Variants in ARHGAP26 observed in about 807,000 individuals in gnomAD.
The protein encoded by ARHGAP26 is Rho GTPase activating protein 26, also known as rho GTPase-activating protein 26.
A neutral mutation model predicts 104.8 loss-of-function variants in ARHGAP26; 38 were observed. The ratio of observed to expected loss-of-function variants is 0.36; its 90% CI spans 0.28 to 0.48. ARHGAP26 has a LOEUF of 0.48. Ranked by LOEUF, ARHGAP26 falls within the 20% of genes least tolerant of loss-of-function variation. The probability of loss-of-function intolerance (pLI) is 0.99; values close to 1 mark genes in which losing one functional copy is unlikely to be tolerated. For missense variants in ARHGAP26, 704 were observed against 947.9 expected (o/e 0.74, Z 3.38); for synonymous variants, 341 against 340.0 (o/e 1.00, Z -0.03).
intron 1 of ARHGAP26, among the ~76,000 whole-genome samples, chr5:142,836,167 GCATC>G (rs1253001055): frequency 2.0e-5 from 3 of 152,150 alleles, no homozygotes; most frequent in African/African-American, 4.8e-5. Flanking sequence ...CTGGGTCCAG[GCATC>G]CTGGGCAGGG....
intron 14 of ARHGAP26, among the ~76,000 whole-genome samples, chr5:143,043,999 G>C (rs1014262842): frequency 6.6e-6 from 1 of 152,212 alleles, no homozygotes. Context: ...TTGAGGCTGG[G>C]ACAGGAGAGT....
Position 143,054,466 on chromosome 5 carries a change from C to A in ARHGAP26, c.1313C>A (p.Thr438Lys). Residue 438 changes from threonine (T) to lysine (K), a missense_variant, in exon 15 of 23, where the codon ACA becomes AAA. Around this residue, in one of 6 missense-constraint regions of ARHGAP26, gnomAD observed 287 missense variants for 438.8 expected, o/e 0.65. Transcript: ENST00000645722. ...CCCAAGACTGCTTCTGAGACAGAAA[C>A]AGATATCTGTGCTGAATGGGAGATA... ...MDPKTASETE[T>K]DICAEWEIKT... is the part of the protein sequence containing the mutation. 6.2e-7 allele frequency: 1 copy of A among 1,613,170 alleles called. No homozygotes were observed. Among genetic ancestry groups the A allele is most frequent in the Non-Finnish European group, 8.5e-7 (1 of 1,179,544 alleles).
chr5:143,021,410 A>G (rs245819), intron 12 of ARHGAP26, among the ~76,000 whole-genome samples: 33,236 of 152,166 alleles, frequency 0.22, 3,801 homozygotes, highest in East Asian at 0.4. Context: ...TTGGTATTAC[A>G]AATAACATTG....
chr5:143,046,200 A>G (rs2150183447), intron 14 of ARHGAP26, among the ~76,000 whole-genome samples: 1 of 152,308 alleles, frequency 6.6e-6, no homozygotes, highest in East Asian at 1.9e-4. Context: ...GCTACTCAGG[A>G]GGCTGAGGCA....
intron 11 of ARHGAP26, among the ~76,000 whole-genome samples, chr5:142,967,153 G>A (rs1275028339): frequency 6.6e-6 from 1 of 152,106 alleles, no homozygotes; most frequent in East Asian, 1.9e-4. Flanking sequence ...TTCTTTTAGT[G>A]CTGTAATGTT....
chr5:143,016,079 A>G, intron 12 of ARHGAP26, among the ~76,000 whole-genome samples: 1 of 152,236 alleles, frequency 6.6e-6, no homozygotes, highest in South Asian at 2.1e-4. Context: ...GGAGTTGGCT[A>G]AATAAATTAA....
At chr5:142,918,857 G>A (rs1762843223) in intron 10 of ARHGAP26, among the ~76,000 whole-genome samples, 1 of 152,062 alleles carries the variant, frequency 6.6e-6, no homozygotes, top group African/African-American at 2.4e-5. Flanking sequence ...TTGGATCAAG[G>A]TATCATGTCA....
At chr5:142,984,376 A>G (rs1774372865) in intron 11 of ARHGAP26, among the ~76,000 whole-genome samples, 1 of 152,254 alleles carries the variant, frequency 6.6e-6, no homozygotes, top group African/African-American at 2.4e-5. Flanking sequence ...GTCCATTAGC[A>G]GTAGCTGTCA....
intron 17 of ARHGAP26, among the ~76,000 whole-genome samples, chr5:143,073,178 G>A (rs1322757442): frequency 6.6e-6 from 1 of 152,140 alleles, no homozygotes; most frequent in Non-Finnish European, 1.5e-5. Context: ...GAATCCAACT[G>A]AATTCCTAAT....
At chr5:143,188,808 A>G (rs1805500028) in intron 20 of ARHGAP26, among the ~76,000 whole-genome samples, 1 of 152,246 alleles carries the variant, frequency 6.6e-6, no homozygotes, top group African/African-American at 2.4e-5. Context: ...GTTACATCTC[A>G]GGTAGTGAAA....
intron 11 of ARHGAP26, among the ~76,000 whole-genome samples, chr5:142,956,064 C>A (rs567251112): frequency 7.9e-5 from 12 of 152,256 alleles, no homozygotes; most frequent in African/African-American, 2.9e-4. Flanking sequence ...GTAATGAAAC[C>A]AGGCATTGGT....
At chr5:143,186,278 C>A (rs953096115) in intron 20 of ARHGAP26, among the ~76,000 whole-genome samples, 1 of 152,188 alleles carries the variant, frequency 6.6e-6, no homozygotes, top group African/African-American at 2.4e-5. Flanking sequence ...CTTTTAAGAA[C>A]ATGGAGTCCA....
At chr5:142,890,826 C>G (rs1436844355) in intron 5 of ARHGAP26, among the ~76,000 whole-genome samples, 1 of 152,188 alleles carries the variant, frequency 6.6e-6, no homozygotes, top group African/African-American at 2.4e-5. Context: ...GATATTATCT[C>G]CATCTTCTAA....
chr5:143,187,194 C>T (rs1805282917), intron 20 of ARHGAP26, among the ~76,000 whole-genome samples: 1 of 152,186 alleles, frequency 6.6e-6, no homozygotes, highest in Admixed American at 6.5e-5. Context: ...CCCAGGGTGA[C>T]ACAGCTAATA....
intron 16 of ARHGAP26, among the ~76,000 whole-genome samples, chr5:143,057,227 T>C (rs1785957769): frequency 6.6e-6 from 1 of 152,234 alleles, no homozygotes; most frequent in Non-Finnish European, 1.5e-5. Flanking sequence ...GTTATTTTGA[T>C]ATTTGAAACC....
chr5:142,911,500 G>T (rs1454934412), intron 9 of ARHGAP26, among the ~76,000 whole-genome samples: 1 of 152,018 alleles, frequency 6.6e-6, no homozygotes, highest in Non-Finnish European at 1.5e-5. Context: ...CTTAACTTTG[G>T]CTTTTTAAAA....
intron 11 of ARHGAP26, among the ~76,000 whole-genome samples, chr5:142,989,174 C>G (rs1775224450): frequency 6.6e-6 from 1 of 152,086 alleles, no homozygotes; most frequent in Non-Finnish European, 1.5e-5. Flanking sequence ...TCTGGTTGCT[C>G]CTGTATTGGG....
At chr5:142,895,952 A>G (rs6580261) in intron 6 of ARHGAP26, among the ~76,000 whole-genome samples, 2,263 of 152,314 alleles carry the variant, frequency 0.015, 64 homozygotes, top group African/African-American at 0.052. Context: ...AAAGTCGTCA[A>G]TTACTTCAGT....
intron 20 of ARHGAP26, among the ~76,000 whole-genome samples, chr5:143,151,036 A>G (rs889515217): frequency 2.0e-5 from 3 of 152,248 alleles, no homozygotes; most frequent in Admixed American, 2.0e-4. Flanking sequence ...AAGGACCAGT[A>G]TCCAAAATAT....
Sources: allele counts gnomAD v4.1 joint callset (sites outside exome capture counted in the v4.1 genomes callset), GRCh38; gene constraint gnomAD v4.1.1; regional missense constraint gnomAD v4.1.1; transcripts MANE v1.5; gene names NCBI Gene and HGNC (gene_info 2026-07-23, HGNC 2026-07-21).